The following PCTP variants were observed in gnomAD, a reference collection of about 807,000 sequenced individuals.
PCTP encodes START domain-containing protein 2.
In PCTP, 27 loss-of-function variants were observed where a neutral mutation model predicts 31.0. The observed-to-expected ratio is 0.87, with a 90% confidence interval of 0.64 to 1.20. The LOEUF (loss-of-function observed/expected upper bound fraction) is 1.20, where lower values mean the gene tolerates loss of function less well. Among genes scored for constraint, PCTP ranks in the 50% most tolerant of loss-of-function variants. PCTP has a pLI of 0.00. For synonymous variants in PCTP, 108 were observed against 101.2 expected (o/e 1.07, Z -0.40); for missense variants, 287 against 268.2 (o/e 1.07, Z -0.49).
intron 1 of PCTP, among the ~76,000 whole-genome samples, chr17:55,766,211 G>A (rs1364628812): frequency 6.6e-6 from 1 of 151,822 alleles, no homozygotes; most frequent in East Asian, 1.9e-4. Flanking sequence ...AGACCACAGA[G>A]GAGGTCAGTG....
chr17:55,850,470 G>C, the PCTP span, among the ~76,000 whole-genome samples: 1 of 152,124 alleles, frequency 6.6e-6, no homozygotes, highest in African/African-American at 2.4e-5. Flanking sequence ...CAGTTAAATT[G>C]GGTTAGGACA....
At chr17:55,824,246 C>A (rs56380395), downstream of PCTP, among the ~76,000 whole-genome samples, 1 of 151,920 alleles carries the variant, frequency 6.6e-6, no homozygotes, top group Non-Finnish European at 1.5e-5. Context: ...CAAAGACCTC[C>A]GAGAGTGTAC....
Position 55,767,439 on chromosome 17 carries a change from C to T in PCTP, c.246C>T (p.Asp82=). 6.2e-7 allele frequency: 1 copy of T among 1,600,870 alleles called. No individual in the cohort carries two copies. Among genetic ancestry groups the T allele is most frequent in the South Asian group, 1.1e-5 (1 of 90,444 alleles). The change falls in exon 2 of 6, where the codon GAC becomes GAT. Residue 82 remains aspartate (D), a synonymous_variant. Transcript: ENST00000268896. ...YMDSDYRKQW[D]QYVKELYEQE... ...ACTCAGATTACAGAAAACAATGGGA[C>T]CAGTATGTTAAAGGTGAGTGATGCT...
At chr17:55,767,764 G>GTTTT (rs1910757163) in intron 2 of PCTP, among the ~76,000 whole-genome samples, 1 of 32,654 alleles carries the variant, frequency 3.1e-5, no homozygotes, top group African/African-American at 5.6e-5. Flanking sequence ...TGCACCCAGT[G>GTTTT]CTTTTTTTTT....
Position 55,773,971 on chromosome 17 carries a change from T to C in PCTP, c.511+76T>C, listed in dbSNP as rs1567716859. ...AGGGCCAGGCTGATGGGGGGACATG[T>C]CGAGTACATGAAGCGTATCCCTGAA... is the stretch of plus-strand genomic sequence containing the variant. On this transcript the variant is annotated intron_variant, in intron 4 of 5. Coordinates refer to ENST00000268896, the MANE Select transcript of PCTP (RefSeq NM_021213.4). 2.7e-6 allele frequency: 4 copies of C among 1,458,002 alleles called. No homozygotes were observed. The East Asian group carries it at 1.0e-4, about 36-fold the overall frequency. 90.3% of individuals were successfully genotyped at this position (1,458,002 alleles called of 1,614,324 possible). A position where few individuals can be genotyped will look rare whatever the true frequency, so the allele number is the denominator to read the frequency against.
chr17:55,825,125 C>A (rs1159027419), downstream of PCTP, among the ~76,000 whole-genome samples: 13 of 152,214 alleles, frequency 8.5e-5, no homozygotes, highest in South Asian at 2.3e-3. Flanking sequence ...AAATTAATGA[C>A]CCTTTGTCCA....
At chr17:55,820,133 A>C (rs1357705438) in intron 3 of PCTP, among the ~76,000 whole-genome samples, 4 of 152,208 alleles carry the variant, frequency 2.6e-5, no homozygotes, top group Non-Finnish European at 4.4e-5. Context: ...CTAGCACCAA[A>C]AGCATAAGCA....
chr17:55,819,544 A>T (rs960412413), intron 3 of PCTP, among the ~76,000 whole-genome samples: 1 of 152,104 alleles, frequency 6.6e-6, no homozygotes, highest in Non-Finnish European at 1.5e-5. Flanking sequence ...TTAGTTCAGG[A>T]GTTCAAGACC....
At chr17:55,783,972 A>G (rs1911658954) in intron 2 of PCTP, among the ~76,000 whole-genome samples, 1 of 152,064 alleles carries the variant, frequency 6.6e-6, no homozygotes, top group Non-Finnish European at 1.5e-5. Flanking sequence ...TTCCCATCCT[A>G]TTCTGTTCCA....
chr17:55,767,533 CA>C (rs1910736917), intron 2 of PCTP, 81 bp downstream of exon 2: 1 of 916,694 alleles, frequency 1.1e-6, no homozygotes, highest in African/African-American at 1.7e-5. Context: ...GGTAGGATCT[CA>C]GCTCACCGCA....
chr17:55,837,902 A>G (rs1475653887), intron 5 of PCTP, among the ~76,000 whole-genome samples: 1 of 152,164 alleles, frequency 6.6e-6, no homozygotes, highest in Non-Finnish European at 1.5e-5. Context: ...TCAGGAGGCC[A>G]TAGCTGGGAG....
At chr17:55,777,426 T>TC (rs1911395330), downstream of PCTP, 1 of 957,744 alleles carries the variant, frequency 1.0e-6, no homozygotes, top group South Asian at 4.8e-5. Flanking sequence ...TGAGTGTGCA[T>TC]CAGTTAGATC....
At position 55,776,481 on chromosome 17, in the gene PCTP, G is replaced by C; in HGVS notation, c.*381G>C. On this transcript the variant is annotated 3_prime_UTR_variant, in exon 6 of 6. Coordinates refer to ENST00000268896, the MANE Select transcript of PCTP (RefSeq NM_021213.4). Reference sequence around the variant, plus strand: ...ATTTTACGGGGATGGGTGGGCGGAGGGACACAACAAAATTTAAGAATGACT... The same window carrying C: ...ATTTTACGGGGATGGGTGGGCGGAGCGACACAACAAAATTTAAGAATGACT... 8.1e-7 allele frequency: 1 copy of C among 1,231,986 alleles called. No individual in the cohort carries two copies. 76.3% of individuals were successfully genotyped at this position (1,231,986 alleles called of 1,614,324 possible). A position where few individuals can be genotyped will look rare whatever the true frequency, so the allele number is the denominator to read the frequency against.
intron 3 of PCTP, among the ~76,000 whole-genome samples, chr17:55,817,331 T>C (rs1032659433): frequency 6.6e-6 from 1 of 152,216 alleles, no homozygotes; most frequent in Non-Finnish European, 1.5e-5. Context: ...GTGCTAAAAC[T>C]TTGCTCTAAG....
intron 3 of PCTP, among the ~76,000 whole-genome samples, chr17:55,801,223 A>G (rs1041832640): frequency 3.9e-5 from 6 of 152,182 alleles, no homozygotes; most frequent in Non-Finnish European, 7.3e-5. Context: ...GCAAATTCTT[A>G]GAGAACTGCA....
intron 3 of PCTP, among the ~76,000 whole-genome samples, chr17:55,801,862 A>T (rs2145027187): frequency 6.6e-6 from 1 of 152,304 alleles, no homozygotes; most frequent in East Asian, 1.9e-4. Context: ...AATAACTAAG[A>T]TCAGAGCAGA....
downstream of PCTP, among the ~76,000 whole-genome samples, chr17:55,844,098 G>A (rs1906069726): frequency 6.6e-6 from 1 of 152,138 alleles, no homozygotes; most frequent in Non-Finnish European, 1.5e-5. Context: ...GTTTTTAAAC[G>A]CTACATCCCC....
chr17:55,845,753 G>C (rs1272723870), downstream of PCTP, among the ~76,000 whole-genome samples: 1 of 151,812 alleles, frequency 6.6e-6, no homozygotes, highest in Admixed American at 6.5e-5. Flanking sequence ...TGAGGGCCGA[G>C]CCCCCCCGTG....
chr17:55,822,198 A>G (rs1274516821), intron 3 of PCTP, among the ~76,000 whole-genome samples: 3 of 152,206 alleles, frequency 2.0e-5, no homozygotes, highest in Non-Finnish European at 4.4e-5. Flanking sequence ...GTTCTCACCA[A>G]GGAACATTTG....
Sources: allele counts gnomAD v4.1 joint callset (sites outside exome capture counted in the v4.1 genomes callset), GRCh38; gene constraint gnomAD v4.1.1; transcripts MANE v1.5; gene names NCBI Gene and HGNC (gene_info 2026-07-23, HGNC 2026-07-21).